Variants in PGS1 observed in about 807,000 individuals in gnomAD.
PGS1 encodes phosphatidylglycerophosphate synthase 1.
Under a neutral mutation model 58.3 loss-of-function variants are expected in PGS1, and 44 were observed. That is an observed-to-expected ratio of 0.75 (90% CI 0.59 to 0.97). PGS1 has a LOEUF of 0.97. Among genes scored for constraint, PGS1 ranks in the 50% least tolerant of loss-of-function variants. The probability of loss-of-function intolerance (pLI) is 0.00; values close to 1 mark genes in which losing one functional copy is unlikely to be tolerated. For synonymous variants in PGS1, 330 were observed against 311.0 expected (o/e 1.06, Z -0.64); for missense variants, 684 against 731.1 (o/e 0.94, Z 0.74).
Position 78,424,076 on chromosome 17 carries a change from A to G in PGS1, c.*26A>G. The stretch of plus-strand genomic sequence containing the variant: ...CGGTCCACAGGAATGGCCTTGATGA[A>G]GATGACAGGCATGGCCGGGGTCAGC... On this transcript the variant is annotated 3_prime_UTR_variant, in exon 10 of 10. Coordinates refer to ENST00000262764, the MANE Select transcript of PGS1 (RefSeq NM_024419.5). The G allele has an allele frequency of 1.2e-6, 2 of 1,614,028 alleles. No homozygotes were observed. The highest frequency in any genetic ancestry group is 1.7e-6 in the Non-Finnish European group (2 of 1,179,882).
At chr17:78,420,303 G>A (rs778421251) in intron 9 of PGS1, 31 of 862,464 alleles carry the variant, frequency 3.6e-5, no homozygotes, top group Non-Finnish European at 4.2e-5. Context: ...AGGCACCAGT[G>A]GGGTCCCACA....
At chr17:78,394,567 T>C (rs553325625) in intron 2 of PGS1, among the ~76,000 whole-genome samples, 28 of 152,244 alleles carry the variant, frequency 1.8e-4, no homozygotes, top group Admixed American at 1.6e-3. Flanking sequence ...CTTTTCTTTT[T>C]TTTTTAAGAC....
intron 1 of PGS1, among the ~76,000 whole-genome samples, chr17:78,385,127 T>G (rs2082290286): frequency 6.6e-6 from 1 of 152,180 alleles, no homozygotes; most frequent in Non-Finnish European, 1.5e-5. Context: ...CTTTCTTTCT[T>G]TCTTTTTCTG....
chr17:78,389,493 G>C (rs1207972129), intron 1 of PGS1, among the ~76,000 whole-genome samples: 1 of 151,526 alleles, frequency 6.6e-6, no homozygotes, highest in Non-Finnish European at 1.5e-5. Flanking sequence ...CCCAATTTTT[G>C]TATTTTTAGT....
At chr17:78,394,952 C>T (rs1036884187) in intron 2 of PGS1, among the ~76,000 whole-genome samples, 7 of 152,210 alleles carry the variant, frequency 4.6e-5, no homozygotes, top group African/African-American at 7.2e-5. Context: ...GCCAGGAGGT[C>T]GGGCCCTGCC....
At position 78,399,953 on chromosome 17, in the gene PGS1, C is replaced by G. The variant is rs138665040; in HGVS notation, c.701+416C>G. The G allele has an allele frequency of 1.6e-5, 4 of 252,450 alleles. No individual in the cohort carries two copies. In the South Asian group the frequency reaches 1.8e-4, roughly 12 times the overall value. 15.6% of individuals were successfully genotyped at this position (252,450 alleles called of 1,614,324 possible). On this transcript the variant is annotated intron_variant, in intron 5 of 9. Coordinates refer to ENST00000262764, the MANE Select transcript of PGS1 (RefSeq NM_024419.5). ...ATAAATATGGGCCCTTTCACAGGCC[C>G]TCCCCTCGGCAGTGGGGCCAGGATT...
At chr17:78,395,379 A>G (rs1310012080) in intron 2 of PGS1, among the ~76,000 whole-genome samples, 4 of 152,060 alleles carry the variant, frequency 2.6e-5, no homozygotes, top group Non-Finnish European at 4.4e-5. Context: ...AGCCTTTCCT[A>G]GTGATTGTTC....
chr17:78,389,180 C>T (rs894059541), intron 1 of PGS1, among the ~76,000 whole-genome samples: 7 of 150,328 alleles, frequency 4.7e-5, no homozygotes, highest in Non-Finnish European at 7.4e-5. Flanking sequence ...CTGCCTCAGC[C>T]ACGGGCGGCT....
At chr17:78,399,290 TG>T in intron 4 of PGS1, 57 bp from the exon 5 acceptor site, 2 of 1,401,434 alleles carry the variant, frequency 1.4e-6, no homozygotes, top group Admixed American at 1.7e-5. Flanking sequence ...GGCTCCTCAT[TG>T]GGGGCAGGAC....
intron 1 of PGS1, among the ~76,000 whole-genome samples, chr17:78,383,878 G>A (rs564311703): frequency 6.6e-6 from 1 of 152,342 alleles, no homozygotes; most frequent in East Asian, 1.9e-4. Context: ...GACTCAATCA[G>A]TTGTCTGCTG....
rs73998899 is a variant in PGS1, at chr17:78,413,206, A to C, written c.1403-1673A>C. 9.3e-3 allele frequency among the ~76,000 whole-genome samples: 1,418 copies of C among 152,322 alleles called. 23 individuals are homozygous for C. Among genetic ancestry groups the C allele is most frequent in the African/African-American group, 0.033 (1,352 of 41,556 alleles). On this transcript the variant is annotated intron_variant, in intron 7 of 9. Coordinates refer to ENST00000262764, the MANE Select transcript of PGS1 (RefSeq NM_024419.5). ...ACGAGCCCATTACAGGAACAGGCGT[A>C]GGGCCTCGTCACCTCTTACCCAAGA... is the stretch of plus-strand genomic sequence containing the variant.
In PGS1 at chr17:78,399,415, C is replaced by T. The variant is rs779217908; in HGVS notation, c.579C>T (p.Ser193=). Residue 193 remains serine, a synonymous_variant, in exon 5 of 10, where the codon TCC becomes TCT. Coordinates refer to ENST00000262764, the MANE Select transcript of PGS1 (RefSeq NM_024419.5). ...GGTTCCCAGAGCAGGTCCGAGTCTCCCTCTTTCACACGCCGCACCTCCGTG... is the reference window on the plus strand; with the variant it reads ...GGTTCCCAGAGCAGGTCCGAGTCTCTCTCTTTCACACGCCGCACCTCCGTG... ...LRRFPEQVRV[S]LFHTPHLRGL... 1.2e-6 allele frequency: 2 copies of T among 1,614,136 alleles called. No homozygotes were observed. Among genetic ancestry groups the T allele is most frequent in the South Asian group, 2.2e-5 (2 of 91,092 alleles).
At chr17:78,415,848 G>A (rs571436651) in intron 8 of PGS1, among the ~76,000 whole-genome samples, 3 of 152,306 alleles carry the variant, frequency 2.0e-5, no homozygotes, top group South Asian at 2.1e-4. Context: ...TCATGAATTC[G>A]TGACCTTTGC....
intron 3 of PGS1, among the ~76,000 whole-genome samples, chr17:78,397,660 C>T (rs2083341421): frequency 6.6e-6 from 1 of 151,852 alleles, no homozygotes; most frequent in Non-Finnish European, 1.5e-5. Flanking sequence ...GTCTTAAACT[C>T]CTGACCTTGG....
chr17:78,381,451 T>C (rs1282220129), intron 1 of PGS1, among the ~76,000 whole-genome samples: 1 of 152,202 alleles, frequency 6.6e-6, no homozygotes. Flanking sequence ...CTTTGCCTTA[T>C]TCGGTTTGCA....
rs537314131 is a variant in PGS1 at position 78,423,260 on chromosome 17, C to T, written c.*11-801C>T. ...CTAGCTAGCCTGGCCACCTCACTGC[C>T]GTGTCCTGCATCAGCCCAGCCACAG... is the stretch of plus-strand genomic sequence containing the variant. On this transcript the variant is annotated intron_variant, in intron 9 of 9. Coordinates refer to ENST00000262764, the MANE Select transcript of PGS1 (RefSeq NM_024419.5). 9.3e-4 allele frequency among the ~76,000 whole-genome samples: 142 copies of T among 152,296 alleles called. 1 individual carries two copies. Among genetic ancestry groups the T allele is most frequent in the African/African-American group, 3.2e-3 (133 of 41,562 alleles).
rs1006544064 is a variant in PGS1 at position 78,424,211 on chromosome 17, G to A, written c.*161G>A. The A allele has an allele frequency of 1.9e-6, 3 of 1,552,198 alleles. No homozygotes were observed. In the South Asian group the frequency reaches 3.6e-5, roughly 19 times the overall value. Reference sequence around the variant, plus strand: ...GCTGCCAGTAAGTGAGGGAGGGGCTGGCAGGAAGGGTGGGGTCCTCACACT... The same window carrying A: ...GCTGCCAGTAAGTGAGGGAGGGGCTAGCAGGAAGGGTGGGGTCCTCACACT... On this transcript the variant is annotated 3_prime_UTR_variant, in exon 10 of 10. Transcript: ENST00000262764.
At chr17:78,379,479 C>T (rs1002218212) in intron 1 of PGS1, among the ~76,000 whole-genome samples, 4 of 152,042 alleles carry the variant, frequency 2.6e-5, no homozygotes, top group Admixed American at 1.3e-4. Flanking sequence ...TTAAAATAAA[C>T]ATTTGCCAAG....
At chr17:78,385,279 C>T (rs1044584106) in intron 1 of PGS1, among the ~76,000 whole-genome samples, 5 of 151,770 alleles carry the variant, frequency 3.3e-5, no homozygotes, top group Admixed American at 6.6e-5. Flanking sequence ...CTACCATGCC[C>T]GGCTAATTTT....
Sources: gnomAD v4.1 joint callset for allele counts (sites outside exome capture counted in the v4.1 genomes callset) on GRCh38, gnomAD v4.1.1 for gene constraint, MANE v1.5 for transcripts, NCBI Gene and HGNC (gene_info 2026-07-23, HGNC 2026-07-21) for gene names.